The following IL15 variants were observed in gnomAD, a reference collection of about 807,000 sequenced individuals.
IL15 encodes the protein interleukin 15.
In IL15, 11 loss-of-function variants were observed where a neutral mutation model predicts 19.6. That is an observed-to-expected ratio of 0.56 (90% CI 0.35 to 0.93). The LOEUF is 0.93. Ranked by LOEUF, IL15 falls within the 40% of genes least tolerant of loss-of-function variation. IL15 has a pLI of 0.01. For synonymous variants in IL15, 58 were observed against 59.6 expected (o/e 0.97, Z 0.12); for missense variants, 197 against 186.5 (o/e 1.06, Z -0.33).
chr4:141,638,607 A>G (rs554196237), intron 1 of IL15, among the ~76,000 whole-genome samples: 5 of 152,232 alleles, frequency 3.3e-5, no homozygotes, highest in African/African-American at 1.2e-4. Context: ...AATGTAGCCA[A>G]TGTCAACAGC....
At chr4:141,731,505 G>T (rs1252549918) in intron 7 of IL15, among the ~76,000 whole-genome samples, 1 of 152,064 alleles carries the variant, frequency 6.6e-6, no homozygotes, top group Non-Finnish European at 1.5e-5. Context: ...CACGCAACAG[G>T]TAACTCATGG....
intron 2 of IL15, among the ~76,000 whole-genome samples, chr4:141,702,500 C>G (rs1210843469): frequency 6.6e-6 from 1 of 152,184 alleles, no homozygotes; most frequent in East Asian, 1.9e-4. Flanking sequence ...TGTCAATAGG[C>G]TTAGTGTGCT....
At chr4:141,649,972 C>T (rs185830059) in intron 1 of IL15, among the ~76,000 whole-genome samples, 37 of 152,126 alleles carry the variant, frequency 2.4e-4, no homozygotes, top group African/African-American at 7.9e-4. Flanking sequence ...TTTTGGGAGA[C>T]GATGAGGATG....
intron 6 of IL15, 30 bp downstream of exon 6, chr4:141,728,014 T>A: frequency 9.4e-7 from 1 of 1,066,656 alleles, no homozygotes; most frequent in Non-Finnish European, 1.4e-6. Context: ...AAATTGCTAT[T>A]TGTCTTGTTA....
chr4:141,707,070 T>C (rs1166797980), intron 2 of IL15, among the ~76,000 whole-genome samples: 1 of 152,190 alleles, frequency 6.6e-6, no homozygotes, highest in East Asian at 1.9e-4. Flanking sequence ...TTGTATCCCA[T>C]GTATTCTGTA....
chr4:141,710,136 A>T (rs1729668092), intron 2 of IL15, among the ~76,000 whole-genome samples: 1 of 152,188 alleles, frequency 6.6e-6, no homozygotes. Flanking sequence ...ACCACATTTT[A>T]AAAAATTCAG....
At chr4:141,709,772 C>A (rs925641004) in intron 2 of IL15, among the ~76,000 whole-genome samples, 6 of 151,856 alleles carry the variant, frequency 4.0e-5, no homozygotes, top group African/African-American at 1.2e-4. Flanking sequence ...TATTTATTTT[C>A]TCAACTTTTA....
intron 4 of IL15, 86 bp downstream of exon 4, chr4:141,720,652 G>T: frequency 1.2e-6 from 1 of 826,790 alleles, no homozygotes; most frequent in African/African-American, 1.7e-5. Flanking sequence ...ATTAGTTTAC[G>T]TTCAGTTTGC....
intron 2 of IL15, chr4:141,715,945 C>G (rs988082371): frequency 3.9e-5 from 6 of 152,040 alleles, no homozygotes; most frequent in Admixed American, 6.6e-5. Flanking sequence ...TGGGAAATAG[C>G]AATGGTGTGA....
intron 2 of IL15, among the ~76,000 whole-genome samples, chr4:141,685,732 A>G (rs1440858751): frequency 1.3e-5 from 2 of 152,204 alleles, no homozygotes; most frequent in Non-Finnish European, 2.9e-5. Context: ...TTAGAATATT[A>G]TTGCATTAGC....
chr4:141,716,982 T>C (rs955349109), intron 2 of IL15: 2 of 152,186 alleles, frequency 1.3e-5, no homozygotes, highest in African/African-American at 4.8e-5. Flanking sequence ...CTTCGCACAT[T>C]GTATTTTGGA....
chr4:141,705,965 G>C (rs951437029), intron 2 of IL15, among the ~76,000 whole-genome samples: 1 of 151,576 alleles, frequency 6.6e-6, no homozygotes, highest in African/African-American at 2.4e-5. Flanking sequence ...TCTGTGTTAT[G>C]CTTGTTGGCA....
At chr4:141,680,205 C>G (rs903927544) in intron 2 of IL15, among the ~76,000 whole-genome samples, 1 of 152,128 alleles carries the variant, frequency 6.6e-6, no homozygotes, top group Non-Finnish European at 1.5e-5. Flanking sequence ...GGGAAACTAC[C>G]GATTCCATGT....
chr4:141,705,441 A>AAG (rs1303036152), intron 2 of IL15, among the ~76,000 whole-genome samples: 1 of 152,030 alleles, frequency 6.6e-6, no homozygotes, highest in East Asian at 1.9e-4. Flanking sequence ...TGGTTAGGAA[A>AAG]GATACTTGAT....
At chr4:141,701,034 A>T (rs1319731466) in intron 2 of IL15, among the ~76,000 whole-genome samples, 1 of 151,998 alleles carries the variant, frequency 6.6e-6, no homozygotes, top group Non-Finnish European at 1.5e-5. Flanking sequence ...ATTATTTTTG[A>T]AATTTCTTTA....
intron 3 of IL15, 78 bp downstream of exon 3, chr4:141,719,554 G>A: frequency 8.8e-7 from 1 of 1,133,044 alleles, no homozygotes; most frequent in Non-Finnish European, 1.3e-6. Flanking sequence ...TTTGCAATAA[G>A]TTACATGGTT....
At chr4:141,661,111 AC>A (rs1727771329) in intron 2 of IL15, among the ~76,000 whole-genome samples, 2 of 152,154 alleles carry the variant, frequency 1.3e-5, no homozygotes, top group South Asian at 4.1e-4. Flanking sequence ...GTCAAGCAAA[AC>A]CCAGAGACAG....
At chr4:141,652,019 A>C (rs1236012777) in intron 1 of IL15, among the ~76,000 whole-genome samples, 2 of 152,140 alleles carry the variant, frequency 1.3e-5, no homozygotes, top group Admixed American at 1.3e-4. Flanking sequence ...CTGTAATCCC[A>C]CAGAAGGGAT....
intron 2 of IL15, among the ~76,000 whole-genome samples, chr4:141,673,629 C>T (rs1349661980): frequency 6.6e-6 from 1 of 152,200 alleles, no homozygotes; most frequent in Non-Finnish European, 1.5e-5. Context: ...ACTGTATCTG[C>T]CTCCGGAACA....
Sources: gnomAD v4.1 joint callset for allele counts (sites outside exome capture counted in the v4.1 genomes callset) on GRCh38, gnomAD v4.1.1 for gene constraint, MANE v1.5 for transcripts, NCBI Gene and HGNC (gene_info 2026-07-23, HGNC 2026-07-21) for gene names.